ZFAND5: variants seen among roughly 807,000 people sequenced by gnomAD.
ZFAND5 encodes zinc finger AN1-type containing 5.
In ZFAND5, 4 loss-of-function variants were observed where a neutral mutation model predicts 23.6. The ratio of observed to expected loss-of-function variants is 0.17; its 90% confidence interval spans 0.08 to 0.39. ZFAND5 has a LOEUF of 0.39. Ranked by LOEUF, ZFAND5 falls within the 10% of genes least tolerant of loss-of-function variation. ZFAND5 has a pLI of 1.00. For synonymous variants in ZFAND5, 68 were observed against 80.6 expected (o/e 0.84, Z 0.84); for missense variants, 161 against 253.7 (o/e 0.63, Z 2.48).
At position 72,357,034 on chromosome 9, in the gene ZFAND5, T is replaced by A; in HGVS notation, c.390A>T (p.Ser130=). 1 of 1,613,604 alleles carries A rather than the reference T, an allele frequency of 6.2e-7. No homozygotes were observed. The highest frequency in any genetic ancestry group is 8.5e-7 in the Non-Finnish European group (1 of 1,179,638). The change falls in exon 6 of 7, where the codon TCA becomes TCT. Residue 130 remains serine, a synonymous_variant. Coordinates refer to ENST00000376962, the MANE Select transcript of ZFAND5 (RefSeq NM_001102420.3). Reference sequence around the variant, plus strand: ...TCTGAGAAGTACTGGGCTGAGAAACTGATGGACTGGGCTGAGTGACAACTG... The same window carrying A: ...TCTGAGAAGTACTGGGCTGAGAAACAGATGGACTGGGCTGAGTGACAACTG... ...SEPVVTQPSP[S]VSQPSTSQSE... is the part of the protein sequence containing the mutation.
chr9:72,355,829 C>CA lies in ZFAND5; in HGVS notation c.*123dup. 1.1e-6 allele frequency: 1 copy of CA among 885,040 alleles called. No homozygotes were observed. Among genetic ancestry groups the CA allele is most frequent in the East Asian group, 2.7e-5 (1 of 37,070 alleles). 54.8% of individuals were successfully genotyped at this position (885,040 alleles called of 1,614,324 possible). Reference sequence around the variant, plus strand: ...ACATCCTAAAATATCAATTATAAGACAGACAAGTGTAATGTAAAACTCTGG... The same window carrying CA: ...ACATCCTAAAATATCAATTATAAGACAAGACAAGTGTAATGTAAAACTCTGG... On this transcript the variant is annotated 3_prime_UTR_variant, in exon 7 of 7. Transcript: ENST00000376962.
At position 72,354,297 on chromosome 9, in the gene ZFAND5, G is replaced by A. The variant is rs1841871303; in HGVS notation, c.*1656C>T. The A allele has an allele frequency of 6.6e-6, 1 of 152,122 alleles. No homozygotes were observed. Among genetic ancestry groups the A allele is most frequent in the South Asian group, 2.1e-4 (1 of 4,828 alleles). The allele number at this position is 152,122 out of a possible 1,614,324, so 9.4% of individuals were successfully genotyped here. A position where few individuals can be genotyped will look rare whatever the true frequency, so the allele number is the denominator to read the frequency against. On this transcript the variant is annotated 3_prime_UTR_variant, in exon 7 of 7. Coordinates refer to ENST00000376962, the MANE Select transcript of ZFAND5 (RefSeq NM_001102420.3). ...TCTTCAAAAATAAACTGCCTATCAG[G>A]TATCATACCTGCAAATGCTTCTAAT...
At chr9:72,357,782 G>A (rs959722648) in intron 5 of ZFAND5, among the ~76,000 whole-genome samples, 63 of 151,962 alleles carry the variant, frequency 4.1e-4, no homozygotes, top group Non-Finnish European at 9.1e-4. Flanking sequence ...ATCCACTATC[G>A]ACAGAGATAG....
At chr9:72,364,519 A>T (rs987290146) in intron 1 of ZFAND5, 177 bp downstream of exon 1, 4 of 1,279,840 alleles carry the variant, frequency 3.1e-6, no homozygotes, top group Non-Finnish European at 4.1e-6. Context: ...CGACGACAGG[A>T]TGACGCCTCC....
At chr9:72,356,364 T>C (rs960956400) in intron 6 of ZFAND5, among the ~76,000 whole-genome samples, 5 of 152,180 alleles carry the variant, frequency 3.3e-5, no homozygotes, top group Admixed American at 3.3e-4. Flanking sequence ...GCAAGGGCAA[T>C]AGCGAAGTGT....
At chr9:72,358,967 G>A (rs1842018828) in intron 5 of ZFAND5, among the ~76,000 whole-genome samples, 2 of 65,064 alleles carry the variant, frequency 3.1e-5, no homozygotes. Context: ...TCCACACTGA[G>A]TTTCAAACTC....
Position 72,355,204 on chromosome 9 carries a change from T to C in ZFAND5, c.*749A>G, listed in dbSNP as rs1841908029. 1.3e-5 allele frequency: 2 copies of C among 152,646 alleles called. No individual in the cohort carries two copies. Among genetic ancestry groups the C allele is most frequent in the African/African-American group, 4.8e-5 (2 of 41,454 alleles). 9.5% of individuals were successfully genotyped at this position (152,646 alleles called of 1,614,324 possible). A position where few individuals can be genotyped will look rare whatever the true frequency, so the allele number is the denominator to read the frequency against. ...TTTAAATTTCTTCTTGTAAACAAAT[T>C]AATCCTAGTGCAGTTCTGTGCTACA... On this transcript the variant is annotated 3_prime_UTR_variant, in exon 7 of 7. Transcript: ENST00000376962.
At position 72,355,038 on chromosome 9, in the gene ZFAND5, TAA is replaced by T. The variant is rs922143014; in HGVS notation, c.*913_*914del. 1 of 152,648 alleles carries T rather than the reference TAA, an allele frequency of 6.6e-6. No homozygotes were observed. The highest frequency in any genetic ancestry group is 2.4e-5 in the African/African-American group (1 of 41,450). 9.5% of individuals were successfully genotyped at this position (152,648 alleles called of 1,614,324 possible). A position where few individuals can be genotyped will look rare whatever the true frequency, so the allele number is the denominator to read the frequency against. On this transcript the variant is annotated 3_prime_UTR_variant, in exon 7 of 7. Coordinates refer to ENST00000376962, the MANE Select transcript of ZFAND5 (RefSeq NM_001102420.3). Reference sequence around the variant, plus strand: ...AGTTACATTAAGAACTGAAGTCTTTTAAAAAGCTTTAAACATTCTTTCTTGAA... The same window carrying T: ...AGTTACATTAAGAACTGAAGTCTTTTAAAGCTTTAAACATTCTTTCTTGAA...
intron 2 of ZFAND5, among the ~76,000 whole-genome samples, chr9:72,362,374 G>C (rs1488804290): frequency 6.6e-6 from 1 of 152,170 alleles, no homozygotes; most frequent in Non-Finnish European, 1.5e-5. Flanking sequence ...AAATATGTGT[G>C]AATGTTTGCC....
Position 72,364,684 on chromosome 9 carries a change from C to A in ZFAND5, c.-147+12G>T. On this transcript the variant is annotated intron_variant, in intron 1 of 6. Coordinates refer to ENST00000376962, the MANE Select transcript of ZFAND5 (RefSeq NM_001102420.3). ...GGAGCCCGGCTCCCACCCGCAGCCCCGTATCACTCACCCTGCAGGGTCCCA... is the reference window on the plus strand; with the variant it reads ...GGAGCCCGGCTCCCACCCGCAGCCCAGTATCACTCACCCTGCAGGGTCCCA... The A allele has an allele frequency of 1.9e-6, 2 of 1,046,128 alleles. No homozygotes were observed. Among genetic ancestry groups the A allele is most frequent in the Non-Finnish European group, 2.4e-6 (2 of 833,584 alleles). The allele number at this position is 1,046,128 out of a possible 1,614,324, so 64.8% of individuals were successfully genotyped here.
intron 4 of ZFAND5, 55 bp from the exon 5 acceptor site, chr9:72,359,576 A>T (rs2131979767): frequency 6.8e-7 from 1 of 1,471,392 alleles, no homozygotes; most frequent in East Asian, 2.3e-5. Flanking sequence ...TTCTTGAGAC[A>T]ATGAATAAGT....
chr9:72,360,395 A>T (rs1842064771), intron 3 of ZFAND5, 174 bp from the exon 4 acceptor site: 1 of 822,292 alleles, frequency 1.2e-6, no homozygotes. Context: ...AATCCAATGA[A>T]CACAAGTGTG....
Position 72,364,624 on chromosome 9 carries a change from C to G in ZFAND5, c.-147+72G>C, listed in dbSNP as rs957029730. The G allele has an allele frequency of 2.9e-5, 35 of 1,191,864 alleles. No individual in the cohort carries two copies. The South Asian group carries it at 3.1e-4, about 11-fold the overall frequency. The allele number at this position is 1,191,864 out of a possible 1,614,324, so 73.8% of individuals were successfully genotyped here. A position where few individuals can be genotyped will look rare whatever the true frequency, so the allele number is the denominator to read the frequency against. On this transcript the variant is annotated intron_variant, in intron 1 of 6. Coordinates refer to ENST00000376962, the MANE Select transcript of ZFAND5 (RefSeq NM_001102420.3). ...GCTTCGCCATTGGCCCGCGGCGCCC[C>G]GGTCCCTTCACTCCCGCCCCCGGCC...
intron 2 of ZFAND5, among the ~76,000 whole-genome samples, chr9:72,361,902 G>C (rs1842115337): frequency 6.6e-6 from 1 of 152,278 alleles, no homozygotes; most frequent in Admixed American, 6.5e-5. Context: ...TGTAACTTGT[G>C]GTCAGTCATT....
intron 1 of ZFAND5, 104 bp from the exon 2 acceptor site, chr9:72,363,710 T>G: frequency 1.1e-6 from 1 of 898,940 alleles, no homozygotes; most frequent in African/African-American, 1.8e-5. Flanking sequence ...ATTGCAGTAT[T>G]TTCACCAACT....
In ZFAND5 at chr9:72,355,480, A is replaced by C. The variant is rs928788577; in HGVS notation, c.*473T>G. ...TTATGAGCATTTCTTCCTGCTTCCA[A>C]AGAATATGTTGTGAAATTAAAGAGG... On this transcript the variant is annotated 3_prime_UTR_variant, in exon 7 of 7. Transcript: ENST00000376962. The C allele has an allele frequency of 6.5e-6, 1 of 152,784 alleles. No homozygotes were observed. The highest frequency in any genetic ancestry group is 1.5e-5 in the Non-Finnish European group (1 of 68,152). The allele number at this position is 152,784 out of a possible 1,614,324, so 9.5% of individuals were successfully genotyped here.
chr9:72,359,552 G>A, intron 4 of ZFAND5, 31 bp from the exon 5 acceptor site: 1 of 1,587,640 alleles, frequency 6.3e-7, no homozygotes, highest in South Asian at 1.1e-5. Flanking sequence ...AATTTTTAAA[G>A]GTGTTAAGGG....
intron 5 of ZFAND5, among the ~76,000 whole-genome samples, chr9:72,357,649 A>AT (rs935285332): frequency 6.6e-5 from 10 of 152,132 alleles, no homozygotes; most frequent in Admixed American, 3.3e-4. Flanking sequence ...GACTTGAAAG[A>AT]TTTTTTTAAA....
In ZFAND5 at chr9:72,355,795, A is replaced by C; in HGVS notation, c.*158T>G. ...TATCTATCCAATTCTGCCTGTAACA[A>C]ACACCCAAACATCCTAAAATATCAA... On this transcript the variant is annotated 3_prime_UTR_variant, in exon 7 of 7. Coordinates refer to ENST00000376962, the MANE Select transcript of ZFAND5 (RefSeq NM_001102420.3). The C allele has an allele frequency of 2.8e-6, 2 of 704,744 alleles. No homozygotes were observed. The highest frequency in any genetic ancestry group is 4.4e-6 in the Non-Finnish European group (2 of 453,088). The allele number at this position is 704,744 out of a possible 1,614,324, so 43.7% of individuals were successfully genotyped here.
Sources: gnomAD v4.1 joint callset for allele counts (sites outside exome capture counted in the v4.1 genomes callset) on GRCh38, gnomAD v4.1.1 for gene constraint, MANE v1.5 for transcripts, NCBI Gene and HGNC (gene_info 2026-07-23, HGNC 2026-07-21) for gene names.